TMEM232: variants seen among roughly 807,000 people sequenced by gnomAD.
The protein encoded by TMEM232 is transmembrane protein 232.
TMEM232 carries 80 observed loss-of-function variants against 78.8 expected under a neutral mutation model. The observed-to-expected ratio is 1.01, with a 90% confidence interval of 0.85 to 1.22. TMEM232 has a LOEUF of 1.22. TMEM232 is among the 50% of genes most tolerant of loss of function. The pLI, the probability that TMEM232 is intolerant of heterozygous loss-of-function variation, is 0.00. For synonymous variants in TMEM232, 297 were observed against 254.3 expected, an observed-to-expected ratio of 1.17 and a Z score of -1.60; for missense variants, 881 against 742.2, an observed-to-expected ratio of 1.19 and a Z score of -2.17.
chr5:110,527,395 T>C (rs1387056952), intron 12 of TMEM232, among the ~76,000 whole-genome samples: 4 of 151,966 alleles, frequency 2.6e-5, no homozygotes, highest in Non-Finnish European at 5.9e-5. Context: ...TTTAAAACGC[T>C]TGATAATACC....
chr5:110,553,144 T>C (rs867783690), intron 11 of TMEM232, among the ~76,000 whole-genome samples: 4 of 152,286 alleles, frequency 2.6e-5, no homozygotes, highest in Middle Eastern at 6.8e-3. Flanking sequence ...TGTAGCCTTG[T>C]AGTATAGTTT....
intron 11 of TMEM232, among the ~76,000 whole-genome samples, chr5:110,559,029 T>C (rs1218417435): frequency 5.9e-5 from 9 of 152,208 alleles, no homozygotes; most frequent in African/African-American, 1.9e-4. Context: ...GCTCAGAGTA[T>C]GCCAACCTTC....
intron 5 of TMEM232, among the ~76,000 whole-genome samples, chr5:110,630,626 T>C (rs1561419201): frequency 2.6e-5 from 4 of 152,134 alleles, no homozygotes; most frequent in Non-Finnish European, 5.9e-5. Context: ...CTTTCCACCA[T>C]GATTATAAGC....
At chr5:110,391,326 TGA>T (rs71626630) in intron 3 of TMEM232, among the ~76,000 whole-genome samples, 33 of 139,910 alleles carry the variant, frequency 2.4e-4, no homozygotes, top group Admixed American at 5.1e-4. Context: ...TGTGTGTGTG[TGA>T]GAGAGAGAGA....
chr5:110,619,943 A>AT (rs766142755), intron 7 of TMEM232, among the ~76,000 whole-genome samples: 1 of 152,090 alleles, frequency 6.6e-6, no homozygotes, highest in African/African-American at 2.4e-5. Flanking sequence ...TAAAACAAGA[A>AT]TAAAAAAAAA....
intron 1 of TMEM232, among the ~76,000 whole-genome samples, chr5:110,682,346 A>T (rs1383478584): frequency 6.6e-6 from 1 of 152,142 alleles, no homozygotes; most frequent in Non-Finnish European, 1.5e-5. Context: ...TCTCCCTTTA[A>T]AATAAGCAAA....
chr5:110,703,237 A>AG (rs968454771), intron 1 of TMEM232, among the ~76,000 whole-genome samples: 4 of 152,064 alleles, frequency 2.6e-5, no homozygotes, highest in African/African-American at 9.7e-5. Context: ...TAGCTAATCA[A>AG]GGGGGAGTGC....
In TMEM232 at chr5:110,470,663, T is replaced by A. The variant is rs539772001; in HGVS notation, c.1704-45747A>T. On this transcript the variant is annotated intron_variant, in intron 12 of 13. Transcript: ENST00000455884. ...CACTGAGGTACCCAGTTATTGCTGA[T>A]GTTGATTGCAACTTAGAACCAGAGT... Among the ~76,000 whole-genome samples, 465 of 152,336 alleles carry A rather than the reference T, an allele frequency of 3.1e-3. 3 individuals are homozygous for A. The highest frequency in any genetic ancestry group is 0.011 in the African/African-American group (444 of 41,582).
chr5:110,564,633 G>C (rs894699402), intron 11 of TMEM232, among the ~76,000 whole-genome samples: 1 of 151,894 alleles, frequency 6.6e-6, no homozygotes, highest in Admixed American at 6.6e-5. Flanking sequence ...CAATAGGCGT[G>C]AACCCATGCT....
chr5:110,677,791 T>C (rs1792206426), intron 1 of TMEM232, among the ~76,000 whole-genome samples: 1 of 152,310 alleles, frequency 6.6e-6, no homozygotes, highest in Admixed American at 6.5e-5. Flanking sequence ...CATTCTTAAA[T>C]TGATGATATT....
intron 12 of TMEM232, among the ~76,000 whole-genome samples, chr5:110,526,590 C>T (rs1007939668): frequency 6.6e-5 from 10 of 151,922 alleles, no homozygotes; most frequent in African/African-American, 2.4e-4. Flanking sequence ...AACAGGCACT[C>T]ATATATTACT....
At chr5:110,517,791 A>AT (rs990900821) in intron 12 of TMEM232, among the ~76,000 whole-genome samples, 22 of 152,264 alleles carry the variant, frequency 1.4e-4, no homozygotes, top group African/African-American at 4.6e-4. Context: ...AGCAGATAGC[A>AT]TTTTTTCTAA....
intron 11 of TMEM232, among the ~76,000 whole-genome samples, chr5:110,558,320 G>A (rs1775343754): frequency 6.6e-6 from 1 of 152,142 alleles, no homozygotes; most frequent in South Asian, 2.1e-4. Flanking sequence ...ACATGTACAT[G>A]TGCACCAATG....
intron 12 of TMEM232, among the ~76,000 whole-genome samples, chr5:110,452,430 G>A (rs1306501909): frequency 6.6e-6 from 1 of 152,114 alleles, no homozygotes. Context: ...TGATTTTGTA[G>A]CATGTGAAGA....
chr5:110,441,711 C>T (rs1370283014), intron 12 of TMEM232, among the ~76,000 whole-genome samples: 1 of 152,160 alleles, frequency 6.6e-6, no homozygotes, highest in African/African-American at 2.4e-5. Context: ...GAGAAGCCTA[C>T]AAGCAATGGA....
chr5:110,617,072 A>T (rs550070286), intron 8 of TMEM232, among the ~76,000 whole-genome samples: 1 of 152,356 alleles, frequency 6.6e-6, no homozygotes, highest in Non-Finnish European at 1.5e-5. Flanking sequence ...ATGTATACAC[A>T]ATGGAATACT....
At chr5:110,643,274 T>G (rs149354506) in intron 2 of TMEM232, among the ~76,000 whole-genome samples, 67 of 152,132 alleles carry the variant, frequency 4.4e-4, no homozygotes, top group African/African-American at 1.6e-3. Flanking sequence ...ATGTTTGAGA[T>G]GATCATGGCC....
intron 10 of TMEM232, among the ~76,000 whole-genome samples, chr5:110,572,680 T>C (rs909866007): frequency 6.6e-6 from 1 of 152,102 alleles, no homozygotes; most frequent in Admixed American, 6.6e-5. Context: ...TAAGTCACAA[T>C]TCCTTTTAAA....
At chr5:110,703,862 C>G (rs1795668365) in intron 1 of TMEM232, among the ~76,000 whole-genome samples, 1 of 152,070 alleles carries the variant, frequency 6.6e-6, no homozygotes, top group South Asian at 2.1e-4. Flanking sequence ...AAAAACCCAA[C>G]TGTCAAAATT....
Sources: gnomAD v4.1 joint callset for allele counts (sites outside exome capture counted in the v4.1 genomes callset) on GRCh38, gnomAD v4.1.1 for gene constraint, MANE v1.5 for transcripts, NCBI Gene and HGNC (gene_info 2026-07-23, HGNC 2026-07-21) for gene names.